NGEF: variants seen among roughly 807,000 people sequenced by gnomAD.
NGEF encodes the protein ephexin-1.
In NGEF, 31 loss-of-function variants were observed where a neutral mutation model predicts 80.9. The ratio of observed to expected loss-of-function variants is 0.38; its 90% CI spans 0.29 to 0.52. NGEF has a LOEUF of 0.52. Ranked by LOEUF, NGEF falls within the 20% of genes least tolerant of loss-of-function variation. The pLI is 0.84. For missense variants in NGEF, 709 were observed against 926.2 expected, an observed-to-expected ratio of 0.77 and a Z score of 3.04; for synonymous variants, 371 against 370.2, an observed-to-expected ratio of 1.00 and a Z score of -0.03.
intron 1 of NGEF, among the ~76,000 whole-genome samples, chr2:232,985,479 G>T (rs1468495735): frequency 6.6e-6 from 1 of 152,120 alleles, no homozygotes; most frequent in African/African-American, 2.4e-5. Flanking sequence ...TAGGCCAGGC[G>T]CAGTGGCTCA....
chr2:232,899,054 G>A (rs1692187351), intron 5 of NGEF, among the ~76,000 whole-genome samples: 1 of 151,978 alleles, frequency 6.6e-6, no homozygotes, highest in African/African-American at 2.4e-5. Context: ...GTGGATGTGT[G>A]GATGTGTGTG....
chr2:232,893,199 G>A (rs145692899), intron 6 of NGEF, 149 bp from the exon 7 acceptor site: 2 of 703,036 alleles, frequency 2.8e-6, no homozygotes, highest in East Asian at 2.8e-5. Context: ...ATCGGCAGGG[G>A]CACCGAGCAC....
intron 5 of NGEF, among the ~76,000 whole-genome samples, 185 bp downstream of exon 5, chr2:232,920,099 T>C (rs573752039): frequency 2.0e-5 from 3 of 152,244 alleles, no homozygotes; most frequent in Non-Finnish European, 4.4e-5. Context: ...AGAAGGTAGC[T>C]GGGTGTCTCT....
intron 3 of NGEF, among the ~76,000 whole-genome samples, chr2:232,959,305 G>A (rs1693897204): frequency 6.6e-6 from 1 of 152,096 alleles, no homozygotes; most frequent in Non-Finnish European, 1.5e-5. Context: ...GGTTAGAGCT[G>A]CAGGCTTGAT....
At chr2:232,948,147 A>ATATGTGTGTGTG (rs1553553128) in intron 3 of NGEF, among the ~76,000 whole-genome samples, 39 of 141,654 alleles carry the variant, frequency 2.8e-4, no homozygotes, top group African/African-American at 4.2e-4. Flanking sequence ...TAGCCTGGAG[A>ATATGTGTGTGTG]TGTGTGTGTG....
At chr2:232,911,026 T>C (rs1692681942) in intron 5 of NGEF, among the ~76,000 whole-genome samples, 1 of 152,218 alleles carries the variant, frequency 6.6e-6, no homozygotes. Context: ...CATTTTTTTG[T>C]TTATGCATGA....
chr2:232,912,233 A>G (rs1038583956), intron 5 of NGEF, among the ~76,000 whole-genome samples: 1 of 152,184 alleles, frequency 6.6e-6, no homozygotes, highest in Admixed American at 6.5e-5. Flanking sequence ...GAATTTTGTC[A>G]AATGCTTTTC....
chr2:232,885,387 G>A lies in NGEF; in HGVS notation c.1348-18C>T. The A allele has an allele frequency of 1.9e-6, 3 of 1,609,280 alleles. No individual in the cohort carries two copies. The highest frequency in any genetic ancestry group is 1.1e-5 in the South Asian group (1 of 90,990). ...TTCACCACCTGGGACAAGAAGGAGG[G>A]CACATCAGGCCACCAAAGCCGGCTG... On this transcript the variant is annotated intron_variant, in intron 9 of 14. Coordinates refer to ENST00000264051, the MANE Select transcript of NGEF (RefSeq NM_019850.3).
chr2:232,880,853 G>A (rs1284073301), intron 14 of NGEF, among the ~76,000 whole-genome samples: 1 of 152,216 alleles, frequency 6.6e-6, no homozygotes, highest in African/African-American at 2.4e-5. Flanking sequence ...CAGGGCCAGG[G>A]GAGGGGGACA....
chr2:232,948,167 GTGTGTGTGTGTGTGTGTA>G (rs1387965962), intron 3 of NGEF, among the ~76,000 whole-genome samples: 1 of 151,116 alleles, frequency 6.6e-6, no homozygotes, highest in African/African-American at 2.4e-5. Context: ...GTGTGTGTGT[GTGTGTGTGTGTGTGTGTA>G]TATAATTATT....
intron 3 of NGEF, among the ~76,000 whole-genome samples, chr2:232,952,891 C>G (rs1693705455): frequency 7.1e-6 from 1 of 140,072 alleles, no homozygotes; most frequent in Non-Finnish European, 1.5e-5. Flanking sequence ...ATCACTTGAA[C>G]CCGGAGGCAG....
intron 1 of NGEF, among the ~76,000 whole-genome samples, chr2:232,995,778 ATATATG>A (rs1332174641): frequency 6.8e-5 from 10 of 147,152 alleles, no homozygotes; most frequent in African/African-American, 2.5e-4. Flanking sequence ...ATTCATATAC[ATATATG>A]TATATGTATA....
chr2:232,920,817 T>TA (rs1377475072), intron 4 of NGEF, among the ~76,000 whole-genome samples: 1 of 152,020 alleles, frequency 6.6e-6, no homozygotes, highest in African/African-American at 2.4e-5. Flanking sequence ...CCCCAAAACA[T>TA]AAAGAAATGC....
intron 14 of NGEF, 66 bp downstream of exon 14, chr2:232,881,080 C>T (rs1691486623): frequency 1.5e-6 from 2 of 1,294,182 alleles, no homozygotes; most frequent in Non-Finnish European, 1.1e-6. Flanking sequence ...TGCTTCTCCC[C>T]CTCCCCGTCA....
intron 1 of NGEF, among the ~76,000 whole-genome samples, chr2:233,001,439 C>A (rs2106343510): frequency 1.3e-5 from 2 of 152,258 alleles, no homozygotes; most frequent in Middle Eastern, 3.4e-3. Context: ...TGACTCAGAC[C>A]TGAGGAAGGT....
At chr2:232,880,488 G>C (rs972434670) in intron 14 of NGEF, among the ~76,000 whole-genome samples, 2 of 152,230 alleles carry the variant, frequency 1.3e-5, no homozygotes, top group African/African-American at 4.8e-5. Context: ...GCCTCCCCTG[G>C]AGGTCACAGC....
At chr2:232,996,158 T>G (rs1012528709) in intron 1 of NGEF, among the ~76,000 whole-genome samples, 1 of 152,002 alleles carries the variant, frequency 6.6e-6, no homozygotes, top group African/African-American at 2.4e-5. Context: ...CAAAACCCCA[T>G]CTTTACTAAA....
chr2:232,995,589 G>A (rs894258826), intron 1 of NGEF, among the ~76,000 whole-genome samples: 33 of 121,180 alleles, frequency 2.7e-4, no homozygotes, highest in Middle Eastern at 7.6e-3. Context: ...TATACAGTAT[G>A]TATACTGTAT....
At chr2:232,885,000 C>T in intron 10 of NGEF, 1 of 373,206 alleles carries the variant, frequency 2.7e-6, no homozygotes, top group Non-Finnish European at 4.9e-6. Context: ...ACGCAGCGGG[C>T]AGGTGAGAGC....
Sources: allele counts gnomAD v4.1 joint callset (sites outside exome capture counted in the v4.1 genomes callset), GRCh38; gene constraint gnomAD v4.1.1; transcripts MANE v1.5; gene names NCBI Gene and HGNC (gene_info 2026-07-23, HGNC 2026-07-21).